The following CYBC1 variants were observed in gnomAD, a reference collection of about 807,000 sequenced individuals.
The protein encoded by CYBC1 is essential for reactive oxygen species protein.
CYBC1 carries 22 observed loss-of-function variants against 21.7 expected under a neutral mutation model. The ratio of observed to expected loss-of-function variants is 1.02; its 90% CI spans 0.73 to 1.45. CYBC1 has a LOEUF of 1.45. Ranked by LOEUF, CYBC1 falls within the 40% of genes most tolerant of loss-of-function variation. The pLI, the probability that CYBC1 is intolerant of heterozygous loss-of-function variation, is 0.00. For synonymous variants in CYBC1, 112 were observed against 98.7 expected, an observed-to-expected ratio of 1.13 and a Z score of -0.80; for missense variants, 237 against 242.1, an observed-to-expected ratio of 0.98 and a Z score of 0.14.
intron 2 of CYBC1, 179 bp downstream of exon 2, chr17:82,448,991 C>T: frequency 1.7e-6 from 1 of 579,032 alleles, no homozygotes; most frequent in Non-Finnish European, 3.0e-6. Flanking sequence ...ACAAAACAGA[C>T]ATGCATTATC....
At position 82,445,931 on chromosome 17, in the gene CYBC1, C is replaced by T. The variant is rs761638207; in HGVS notation, c.231G>A (p.Lys77=). The T allele has an allele frequency of 2.4e-5, 39 of 1,613,792 alleles. No homozygotes were observed. The highest frequency in any genetic ancestry group is 2.9e-5 in the Non-Finnish European group (34 of 1,179,900). Residue 77 remains lysine, a synonymous_variant, in exon 5 of 7, where the codon AAG becomes AAA. Coordinates refer to ENST00000306645, the MANE Select transcript of CYBC1 (RefSeq NM_001033046.4). ...AGAGGCTGAACGTCTTCAAAACAAC[C>T]TTCCCTGTGCTCTTGTCGAAGATGG... ...EEAIFDKSTG[K]VVLKTFSLYK... is the part of the protein sequence containing the mutation.
At chr17:82,444,169 T>G in intron 6 of CYBC1, 45 bp from the exon 7 acceptor site, 1 of 1,589,138 alleles carries the variant, frequency 6.3e-7, no homozygotes, top group South Asian at 1.2e-5. Context: ...CACCTCGGCA[T>G]AGGGCACCGT....
intron 3 of CYBC1, 63 bp downstream of exon 3, chr17:82,447,514 CCTT>C: frequency 7.3e-7 from 1 of 1,371,632 alleles, no homozygotes; most frequent in South Asian, 1.2e-5. Context: ...GACAGTTTTT[CCTT>C]CTTTTCTCTG....
chr17:82,444,152 G>T, intron 6 of CYBC1, 28 bp from the exon 7 acceptor site: 1 of 1,602,596 alleles, frequency 6.2e-7, no homozygotes, highest in Non-Finnish European at 8.5e-7. Context: ...CGGGAGGAAG[G>T]TCAGGTCACC....
At chr17:82,445,717 G>A (rs998765188) in intron 5 of CYBC1, 147 bp downstream of exon 5, 13 of 597,956 alleles carry the variant, frequency 2.2e-5, no homozygotes, top group South Asian at 3.9e-5. Context: ...TGCTTCCAGC[G>A]GGCAGGACAC....
In CYBC1 at chr17:82,442,827, C is replaced by T. The variant is rs931854394; in HGVS notation, c.*1177G>A. On this transcript the variant is annotated 3_prime_UTR_variant, in exon 7 of 7. Transcript: ENST00000306645. This position sits in a 1 kb window ranked among gnomAD's most constrained non-coding sequence, Gnocchi z 6.8. ...CCTGGGCCTGCCGCCTAGGGGCTCA[C>T]AGGGCCCAGGAGTCCCCAGCTCACA... The T allele has an allele frequency of 1.0e-5, 5 of 491,344 alleles. No individual in the cohort carries two copies. Among genetic ancestry groups the T allele is most frequent in the South Asian group, 3.1e-5 (1 of 32,096 alleles). The allele number at this position is 491,344 out of a possible 1,614,324, so 30.4% of individuals were successfully genotyped here.
intron 3 of CYBC1, 181 bp from the exon 4 acceptor site, chr17:82,446,877 C>G: frequency 1.6e-6 from 1 of 612,324 alleles, no homozygotes. Flanking sequence ...CACACCCCAC[C>G]CAGCTCTGAC....
rs984632189 is a variant in CYBC1, at chr17:82,446,862, C to A, written c.128-166G>T. On this transcript the variant is annotated intron_variant, in intron 3 of 6. Coordinates refer to ENST00000306645, the MANE Select transcript of CYBC1 (RefSeq NM_001033046.4). Reference sequence around the variant, plus strand: ...CTGCCCTGGCCACTCAGGACCCACACGCGGCACACCCCACCCAGCTCTGAC... The same window carrying A: ...CTGCCCTGGCCACTCAGGACCCACAAGCGGCACACCCCACCCAGCTCTGAC... 7.8e-6 allele frequency: 5 copies of A among 637,746 alleles called. No homozygotes were observed. The South Asian group carries it at 9.2e-5, about 12-fold the overall frequency. 39.5% of individuals were successfully genotyped at this position (637,746 alleles called of 1,614,324 possible). A position where few individuals can be genotyped will look rare whatever the true frequency, so the allele number is the denominator to read the frequency against.
At chr17:82,449,056 C>T in intron 2 of CYBC1, 114 bp downstream of exon 2, 2 of 815,994 alleles carry the variant, frequency 2.5e-6, no homozygotes, top group Non-Finnish European at 3.9e-6. Context: ...AACAAAATAG[C>T]CATTAGATTT....
chr17:82,446,575 A>C (rs546476068), intron 4 of CYBC1, 48 bp downstream of exon 4: 1 of 1,589,558 alleles, frequency 6.3e-7, no homozygotes. Flanking sequence ...CAAAAAACCC[A>C]GGAGCTGAAC....
At chr17:82,446,790 G>T in intron 3 of CYBC1, 94 bp from the exon 4 acceptor site, 2 of 1,305,936 alleles carry the variant, frequency 1.5e-6, no homozygotes, top group South Asian at 1.2e-5. Context: ...GCTGGCCAGA[G>T]CCCACGCTTG....
chr17:82,449,044 G>A, intron 2 of CYBC1, 126 bp downstream of exon 2: 1 of 774,058 alleles, frequency 1.3e-6, no homozygotes, highest in Non-Finnish European at 2.1e-6. Flanking sequence ...TGGATACAAA[G>A]AAACAAAATA....
chr17:82,442,811 G>C lies in CYBC1; in HGVS notation c.*1193C>G, dbSNP rs2054043725. The C allele has an allele frequency of 3.9e-6, 2 of 516,228 alleles. No individual in the cohort carries two copies. The highest frequency in any genetic ancestry group is 3.8e-5 in the African/African-American group (2 of 52,600). The allele number at this position is 516,228 out of a possible 1,614,324, so 32.0% of individuals were successfully genotyped here. ...GTCCTACCCAGCCATTCCTGGGCCT[G>C]CCGCCTAGGGGCTCACAGGGCCCAG... On this transcript the variant is annotated 3_prime_UTR_variant, in exon 7 of 7. Coordinates refer to ENST00000306645, the MANE Select transcript of CYBC1 (RefSeq NM_001033046.4). This position sits in a 1 kb window ranked among gnomAD's most constrained non-coding sequence, Gnocchi z 6.8.
At chr17:82,450,187 TGGGA>T (rs2054510516) in intron 1 of CYBC1, 1 of 147,822 alleles carries the variant, frequency 6.8e-6, no homozygotes, top group African/African-American at 2.7e-5. Context: ...GAGGCTGAGC[TGGGA>T]GGATCACCTG....
In CYBC1 at chr17:82,444,036, T is replaced by G; in HGVS notation, c.532A>C (p.Ser178Arg). ...SPTELSQSSD[S>R]EAGDPASQS ...TGGCTTGCAGGGTCACCGGCCTCAC[T>G]GTCGCTGCTCTGAGACAGCTCTGTG... The change falls in exon 7 of 7, where the codon AGT becomes CGT. Residue 178 changes from serine to arginine, a missense_variant. Transcript: ENST00000306645. 6.2e-7 allele frequency: 1 copy of G among 1,613,288 alleles called. No individual in the cohort carries two copies. Among genetic ancestry groups the G allele is most frequent in the Non-Finnish European group, 8.5e-7 (1 of 1,179,986 alleles).
intron 4 of CYBC1, 138 bp from the exon 5 acceptor site, chr17:82,446,098 C>G: frequency 1.5e-6 from 1 of 660,548 alleles, no homozygotes; most frequent in Admixed American, 2.8e-5. Flanking sequence ...AACCCAAACC[C>G]CTGAAGCCAC....
In CYBC1 at chr17:82,449,286, G is replaced by A. The variant is rs1256149971; in HGVS notation, c.-32C>T. ...AGGGCAGCACCACTCTCTACAGGAGGAGGGGTCTGGGAACAGACAGAGGCA... is the reference window on the plus strand; with the variant it reads ...AGGGCAGCACCACTCTCTACAGGAGAAGGGGTCTGGGAACAGACAGAGGCA... On this transcript the variant is annotated 5_prime_UTR_variant, in exon 2 of 7. Transcript: ENST00000306645. 10 of 1,502,042 alleles carry A rather than the reference G, an allele frequency of 6.7e-6. No individual in the cohort carries two copies. The East Asian group carries it at 1.2e-4, about 19-fold the overall frequency. 93.0% of individuals were successfully genotyped at this position (1,502,042 alleles called of 1,614,324 possible).
intron 3 of CYBC1, chr17:82,447,186 T>C (rs985941212): frequency 3.1e-6 from 1 of 326,840 alleles, no homozygotes; most frequent in Non-Finnish European, 5.8e-6. Flanking sequence ...ACCCCGTCTC[T>C]ACTAAAAATA....
At position 82,447,684 on chromosome 17, in the gene CYBC1, C is replaced by T. The variant is rs368074605; in HGVS notation, c.86-63G>A. Reference sequence around the variant, plus strand: ...GTAAGACCCCACCTCCCTGGTGCAGCGGGACCAGGAGCCACAGCCCCTGAT... The same window carrying T: ...GTAAGACCCCACCTCCCTGGTGCAGTGGGACCAGGAGCCACAGCCCCTGAT... On this transcript the variant is annotated intron_variant, in intron 2 of 6. Coordinates refer to ENST00000306645, the MANE Select transcript of CYBC1 (RefSeq NM_001033046.4). The T allele has an allele frequency of 2.0e-4, 290 of 1,465,214 alleles. 4 individuals carry two copies. The South Asian group carries it at 2.8e-3, about 14-fold the overall frequency. 90.8% of individuals were successfully genotyped at this position (1,465,214 alleles called of 1,614,324 possible).
Sources: gnomAD v4.1 joint callset for allele counts on GRCh38, gnomAD v4.1.1 for gene constraint, Gnocchi (gnomAD v3.1) non-coding constraint, MANE v1.5 for transcripts, NCBI Gene and HGNC (gene_info 2026-07-23, HGNC 2026-07-21) for gene names.